NCOA2: variants seen among roughly 807,000 people sequenced by gnomAD.
NCOA2 encodes the protein nuclear receptor coactivator 2, also known as class E basic helix-loop-helix protein 75.
In NCOA2, 21 loss-of-function variants were observed where a neutral mutation model predicts 145.1. The observed-to-expected ratio is 0.14, with a 90% CI of 0.10 to 0.21. NCOA2 has a LOEUF of 0.21. NCOA2 is among the 10% of genes least tolerant of loss of function. NCOA2 has a pLI of 1.00. For missense variants in NCOA2, 1,472 were observed against 1,837.6 expected, an observed-to-expected ratio of 0.80 and a Z score of 3.64; for synonymous variants, 619 against 637.5, an observed-to-expected ratio of 0.97 and a Z score of 0.44.
intron 4 of NCOA2, among the ~76,000 whole-genome samples, chr8:70,180,430 C>T (rs896803795): frequency 2.6e-5 from 4 of 152,210 alleles, no homozygotes; most frequent in Middle Eastern, 6.8e-3. Flanking sequence ...ACTTTCAAAG[C>T]GAAGAACAAA....
In NCOA2 at chr8:70,154,104, G is replaced by A. The variant is rs570484569; in HGVS notation, c.2394+1867C>T. Among the ~76,000 whole-genome samples, 12 of 152,298 alleles carry A rather than the reference G, an allele frequency of 7.9e-5. No individual in the cohort carries two copies. The East Asian group carries it at 1.4e-3, about 17-fold the overall frequency. ...GACCTGCCTCTGGGTTAGCTCTACC[G>A]ACTCAGCAGAGCTCCAAGGTACAGC... On this transcript the variant is annotated intron_variant, in intron 11 of 22. Transcript: ENST00000452400.
chr8:70,177,901 T>C (rs905512521), intron 4 of NCOA2, among the ~76,000 whole-genome samples: 2 of 152,232 alleles, frequency 1.3e-5, no homozygotes, highest in Non-Finnish European at 2.9e-5. Context: ...TTGTTTCCTA[T>C]GGTATCTATA....
rs972847233 is a variant in NCOA2, at chr8:70,403,685, G to A, written c.-77+15C>T. ...CCCCGCCCGCCCTCGCGGCCCCGGG[G>A]GAAGGCGCGGTTACCGGCTCGGGTC... is the stretch of plus-strand genomic sequence containing the variant. On this transcript the variant is annotated intron_variant, in intron 1 of 22. Transcript: ENST00000452400. 2 of 388,890 alleles carry A rather than the reference G, an allele frequency of 5.1e-6. No individual in the cohort carries two copies. Among genetic ancestry groups the A allele is most frequent in the Non-Finnish European group, 9.1e-6 (2 of 219,568 alleles). 24.1% of individuals were successfully genotyped at this position (388,890 alleles called of 1,614,324 possible).
At chr8:70,331,129 A>G (rs140730608) in intron 1 of NCOA2, among the ~76,000 whole-genome samples, 21 of 152,324 alleles carry the variant, frequency 1.4e-4, no homozygotes, top group African/African-American at 4.1e-4. Flanking sequence ...CTACATTTAC[A>G]TATATAGCAA....
At chr8:70,223,468 A>C (rs1820339053) in intron 2 of NCOA2, among the ~76,000 whole-genome samples, 1 of 152,190 alleles carries the variant, frequency 6.6e-6, no homozygotes, top group African/African-American at 2.4e-5. Context: ...CATTTATTGA[A>C]GACTTATTAT....
the NCOA2 span, among the ~76,000 whole-genome samples, chr8:70,448,804 GC>G: frequency 8.7e-6 from 1 of 114,640 alleles, no homozygotes; most frequent in African/African-American, 3.8e-5. Flanking sequence ...TTGTTGCCTG[GC>G]TTTTTTTTTT....
intron 1 of NCOA2, among the ~76,000 whole-genome samples, chr8:70,310,403 T>C (rs1033632503): frequency 6.6e-6 from 1 of 150,424 alleles, no homozygotes; most frequent in Non-Finnish European, 1.5e-5. Flanking sequence ...AGTTCCTCTA[T>C]GAGAAGGAAG....
intron 1 of NCOA2, among the ~76,000 whole-genome samples, chr8:70,370,683 T>G (rs1191733963): frequency 6.6e-6 from 1 of 152,022 alleles, no homozygotes; most frequent in Non-Finnish European, 1.5e-5. Context: ...ATCTGTTTCC[T>G]CCACGTACGT....
At chr8:70,188,025 C>T (rs1816270191) in intron 4 of NCOA2, among the ~76,000 whole-genome samples, 1 of 152,184 alleles carries the variant, frequency 6.6e-6, no homozygotes, top group African/African-American at 2.4e-5. Flanking sequence ...GAAATCCTGC[C>T]TGCCAGGTGA....
chr8:70,388,444 C>A (rs1812868778), intron 1 of NCOA2, among the ~76,000 whole-genome samples: 1 of 152,186 alleles, frequency 6.6e-6, no homozygotes, highest in South Asian at 2.1e-4. Context: ...GCTCTGAGGC[C>A]TTCCTTCACC....
intron 1 of NCOA2, among the ~76,000 whole-genome samples, chr8:70,324,364 T>C (rs1806369366): frequency 6.6e-6 from 1 of 152,128 alleles, no homozygotes. Flanking sequence ...TGAGACAAGG[T>C]CTCGCTCTGT....
At chr8:70,340,422 G>A (rs142046367) in intron 1 of NCOA2, among the ~76,000 whole-genome samples, 4 of 152,252 alleles carry the variant, frequency 2.6e-5, no homozygotes, top group South Asian at 2.1e-4. Flanking sequence ...TCAGAATGGC[G>A]ATTATTAAAA....
chr8:70,431,278 AG>A, the NCOA2 span, among the ~76,000 whole-genome samples: 2 of 152,244 alleles, frequency 1.3e-5, no homozygotes, highest in East Asian at 1.9e-4. Context: ...TTGAACTTGG[AG>A]GGTTCGCTTT....
the NCOA2 span, among the ~76,000 whole-genome samples, chr8:70,455,940 G>A: frequency 2.0e-5 from 3 of 151,924 alleles, no homozygotes; most frequent in Non-Finnish European, 2.9e-5. Flanking sequence ...AAATGAAAAA[G>A]GTTGCCAAAA....
intron 7 of NCOA2, among the ~76,000 whole-genome samples, chr8:70,164,398 A>G (rs964606015): frequency 1.3e-5 from 2 of 152,216 alleles, no homozygotes; most frequent in African/African-American, 4.8e-5. Context: ...ATGTCTTCTT[A>G]TATCACTGAT....
intron 2 of NCOA2, among the ~76,000 whole-genome samples, chr8:70,218,259 G>A (rs576938909): frequency 3.4e-4 from 49 of 143,010 alleles, no homozygotes; most frequent in East Asian, 1.6e-3. Flanking sequence ...TACTGTATCC[G>A]TTTAGGGAGG....
At chr8:70,151,619 G>A (rs753643709) in intron 11 of NCOA2, among the ~76,000 whole-genome samples, 5 of 152,098 alleles carry the variant, frequency 3.3e-5, no homozygotes, top group East Asian at 1.9e-4. Flanking sequence ...AGCCATTCAG[G>A]ATCTTCTTAG....
chr8:70,183,611 G>T (rs1815729882), intron 4 of NCOA2, among the ~76,000 whole-genome samples: 1 of 152,082 alleles, frequency 6.6e-6, no homozygotes, highest in Non-Finnish European at 1.5e-5. Flanking sequence ...ATTCTTTCAA[G>T]ATTTTGAGCA....
chr8:70,273,468 G>T (rs1825228490), intron 2 of NCOA2: 1 of 634,112 alleles, frequency 1.6e-6, no homozygotes. Flanking sequence ...GTGGTTCACA[G>T]AACAGCCACA....
Sources: gnomAD v4.1 joint callset for allele counts (sites outside exome capture counted in the v4.1 genomes callset) on GRCh38, gnomAD v4.1.1 for gene constraint, MANE v1.5 for transcripts, NCBI Gene and HGNC (gene_info 2026-07-23, HGNC 2026-07-21) for gene names.